ADCY2: variants seen among roughly 807,000 people sequenced by gnomAD.
ADCY2 encodes adenylate cyclase type 2.
A neutral mutation model predicts 125.2 loss-of-function variants in ADCY2; 31 were observed. The observed-to-expected ratio is 0.25, with a 90% CI of 0.19 to 0.33. The LOEUF is 0.33. Ranked by LOEUF, ADCY2 falls within the 10% of genes least tolerant of loss-of-function variation. The pLI is 1.00. For synonymous variants in ADCY2, 512 were observed against 548.4 expected (o/e 0.93, Z 0.93); for missense variants, 904 against 1,418.2 (o/e 0.64, Z 5.82).
chr5:7,651,038 T>C (rs1288537043), intron 4 of ADCY2, among the ~76,000 whole-genome samples: 1 of 152,108 alleles, frequency 6.6e-6, no homozygotes, highest in Non-Finnish European at 1.5e-5. Flanking sequence ...CTCTGCTTCT[T>C]CTAGATTATG....
intron 12 of ADCY2, among the ~76,000 whole-genome samples, chr5:7,720,069 G>A (rs1328384693): frequency 1.3e-5 from 2 of 152,034 alleles, no homozygotes; most frequent in Non-Finnish European, 2.9e-5. Flanking sequence ...TTGTGATAAC[G>A]AAGGATGGGG....
intron 4 of ADCY2, among the ~76,000 whole-genome samples, chr5:7,672,707 A>G (rs1739976788): frequency 6.6e-6 from 1 of 152,190 alleles, no homozygotes. Flanking sequence ...TACAAGTGAA[A>G]ATTATATGAA....
intron 15 of ADCY2, among the ~76,000 whole-genome samples, chr5:7,745,137 A>C (rs546507550): frequency 6.6e-6 from 1 of 152,370 alleles, no homozygotes; most frequent in African/African-American, 2.4e-5. Flanking sequence ...ACAGCGCGAT[A>C]GTGGCCTCTT....
At chr5:7,772,892 G>C in intron 17 of ADCY2, 40 bp from the exon 18 acceptor site, 1 of 1,592,176 alleles carries the variant, frequency 6.3e-7, no homozygotes, top group East Asian at 2.2e-5. Flanking sequence ...TTTCTCAGAA[G>C]AGATCCTAAG....
chr5:7,433,368 T>A (rs963213636), intron 2 of ADCY2, among the ~76,000 whole-genome samples: 17 of 152,240 alleles, frequency 1.1e-4, no homozygotes, highest in Non-Finnish European at 2.2e-4. Context: ...TTTAAAAAAA[T>A]TCAGTCTCTC....
At chr5:7,525,285 G>A (rs942691252) in intron 3 of ADCY2, among the ~76,000 whole-genome samples, 1 of 152,208 alleles carries the variant, frequency 6.6e-6, no homozygotes. Context: ...AGGATTACAG[G>A]CATGAGCCAC....
chr5:7,802,093 C>A lies in ADCY2; in HGVS notation c.2629-125C>A. ...GGATTGGGCCGCGGCTGGGGTGGGGCAAGTGGAGTAGGCATTTGGGCGATG... is the reference window on the plus strand; with the variant it reads ...GGATTGGGCCGCGGCTGGGGTGGGGAAAGTGGAGTAGGCATTTGGGCGATG... On this transcript the variant is annotated intron_variant, in intron 20 of 24. Coordinates refer to ENST00000338316, the MANE Select transcript of ADCY2 (RefSeq NM_020546.3). This position sits in a 1 kb window ranked among gnomAD's most constrained non-coding sequence, Gnocchi z 4.6. 2 of 1,106,230 alleles carry A rather than the reference C, an allele frequency of 1.8e-6. No homozygotes were observed. Among genetic ancestry groups the A allele is most frequent in the African/African-American group, 1.6e-5 (1 of 63,976 alleles). The allele number at this position is 1,106,230 out of a possible 1,614,324, so 68.5% of individuals were successfully genotyped here. A position where few individuals can be genotyped will look rare whatever the true frequency, so the allele number is the denominator to read the frequency against.
intron 3 of ADCY2, among the ~76,000 whole-genome samples, chr5:7,565,134 G>A (rs1735849593): frequency 6.6e-6 from 1 of 152,238 alleles, no homozygotes; most frequent in African/African-American, 2.4e-5. Flanking sequence ...CATGCCGGTG[G>A]CCCAGCTCAC....
chr5:7,629,510 G>A (rs1223813359), intron 4 of ADCY2, among the ~76,000 whole-genome samples: 1 of 150,552 alleles, frequency 6.6e-6, no homozygotes, highest in Admixed American at 6.6e-5. Flanking sequence ...TTTGAGGGAA[G>A]AAGGAATGAA....
chr5:7,649,600 G>T (rs1257774153), intron 4 of ADCY2, among the ~76,000 whole-genome samples: 1 of 152,224 alleles, frequency 6.6e-6, no homozygotes, highest in African/African-American at 2.4e-5. Flanking sequence ...CTGAAGGCCA[G>T]AGTGTACCAG....
chr5:7,709,281 C>T lies in ADCY2; in HGVS notation c.1472C>T (p.Ser491Leu). 6.2e-7 allele frequency: 1 copy of T among 1,613,920 alleles called. No homozygotes were observed. The highest frequency in any genetic ancestry group is 8.5e-7 in the Non-Finnish European group (1 of 1,179,936). Residue 491 changes from serine to leucine, a missense_variant, in exon 10 of 25, where the codon TCG becomes TTG. Physicochemically the swap from Ser to Leu is moderately radical, Grantham distance 145. Around this residue, in one of 7 missense-constraint regions of ADCY2, gnomAD observed 144 missense variants for 227.7 expected, o/e 0.63. Transcript: ENST00000338316. The surrounding 1 kb of genome is among the most constrained non-coding windows in gnomAD (Gnocchi z 4.4). ...CTTGATGGAGCCAAAATGAGGGCCTCGGTCCGCATGACCCGGTACTTGGAG... is the reference window on the plus strand; with the variant it reads ...CTTGATGGAGCCAAAATGAGGGCCTTGGTCCGCATGACCCGGTACTTGGAG... The part of the protein sequence containing the change: ...HTLDGAKMRA[S>L]VRMTRYLESW...
intron 2 of ADCY2, among the ~76,000 whole-genome samples, chr5:7,448,873 A>G: frequency 6.6e-6 from 1 of 152,146 alleles, no homozygotes; most frequent in Non-Finnish European, 1.5e-5. Flanking sequence ...TATCCAGTCT[A>G]TCATTGATGG....
At chr5:7,489,692 T>C (rs1743087518) in intron 2 of ADCY2, among the ~76,000 whole-genome samples, 2 of 152,200 alleles carry the variant, frequency 1.3e-5, no homozygotes, top group South Asian at 4.1e-4. Flanking sequence ...TTAGCCAGCC[T>C]TGGGTATGCA....
chr5:7,740,993 A>G (rs2126426454), intron 14 of ADCY2, among the ~76,000 whole-genome samples: 1 of 152,242 alleles, frequency 6.6e-6, no homozygotes, highest in East Asian at 1.9e-4. Flanking sequence ...AATAAACCAA[A>G]CACTTATTCC....
intron 4 of ADCY2, among the ~76,000 whole-genome samples, chr5:7,676,603 T>C (rs1740135945): frequency 6.6e-6 from 1 of 152,260 alleles, no homozygotes; most frequent in African/African-American, 2.4e-5. Flanking sequence ...ACTGCATTTG[T>C]AGACAGCTGC....
At chr5:7,436,244 A>G (rs1740795420) in intron 2 of ADCY2, among the ~76,000 whole-genome samples, 1 of 152,184 alleles carries the variant, frequency 6.6e-6, no homozygotes, top group Non-Finnish European at 1.5e-5. Flanking sequence ...AGTTTTCTCT[A>G]ATTCAGTGTC....
At chr5:7,400,431 C>T (rs1410872211) in intron 1 of ADCY2, among the ~76,000 whole-genome samples, 1 of 152,064 alleles carries the variant, frequency 6.6e-6, no homozygotes, top group Non-Finnish European at 1.5e-5. Flanking sequence ...TTTCGAAGGG[C>T]AGATTTATCA....
At chr5:7,529,394 A>G (rs968565593) in intron 3 of ADCY2, among the ~76,000 whole-genome samples, 1 of 152,060 alleles carries the variant, frequency 6.6e-6, no homozygotes, top group Non-Finnish European at 1.5e-5. Flanking sequence ...GAGGGAGGGG[A>G]TGTGCTTTCT....
rs776751628 is a variant in ADCY2, at chr5:7,698,309, T to C, written c.1044T>C (p.Pro348=). 5 of 1,614,158 alleles carry C rather than the reference T, an allele frequency of 3.1e-6. 1 individual carries two copies. In the South Asian group the frequency reaches 5.5e-5, roughly 18 times the overall value. The stretch of plus-strand genomic sequence containing the variant: ...GCTACTACTGTGTATCTGGACTCCC[T>C]ATATCTCTCCCTAACCATGCCAAGA... ...GDCYYCVSGL[P]ISLPNHAKNC... The change falls in exon 7 of 25, where the codon CCT becomes CCC. Residue 348 remains proline (P), a synonymous_variant. Coordinates refer to ENST00000338316, the MANE Select transcript of ADCY2 (RefSeq NM_020546.3).
Sources: gnomAD v4.1 joint callset for allele counts (sites outside exome capture counted in the v4.1 genomes callset) on GRCh38, gnomAD v4.1.1 for gene constraint, gnomAD v4.1.1 regional missense constraint, Gnocchi (gnomAD v3.1) non-coding constraint, MANE v1.5 for transcripts, NCBI Gene and HGNC (gene_info 2026-07-23, HGNC 2026-07-21) for gene names.